The following LRRC4 variants were observed in gnomAD, a reference collection of about 807,000 sequenced individuals.
The protein encoded by LRRC4 is leucine-rich repeat-containing protein 4.
A neutral mutation model predicts 37.9 loss-of-function variants in LRRC4; 11 were observed. The observed-to-expected ratio is 0.29, with a 90% CI of 0.18 to 0.48. The LOEUF (loss-of-function observed/expected upper bound fraction) is 0.48, where lower values mean the gene tolerates loss of function less well. LRRC4 is among the 20% of genes least tolerant of loss of function. The pLI is 0.99. For synonymous variants in LRRC4, 404 were observed against 346.7 expected (o/e 1.17, Z -1.84); for missense variants, 717 against 842.1 (o/e 0.85, Z 1.84).
chr7:128,030,508 T>G lies in LRRC4; in HGVS notation c.133A>C (p.Asn45His), dbSNP rs760820214. 6.2e-7 allele frequency: 1 copy of G among 1,613,400 alleles called. No homozygotes were observed. The highest frequency in any genetic ancestry group is 2.2e-5 in the East Asian group (1 of 44,870). The stretch of plus-strand genomic sequence containing the variant: ...CTGCACGAGCAGACGGAGGGGCAGT[T>G]CTGGGGCCCGGCTGAGGCGGCAGCA... The part of the protein sequence containing the change: ...IAAAASAGPQ[N>H]CPSVCSCSNQ... Residue 45 changes from asparagine (N) to histidine (H), a missense_variant, in exon 2 of 2, where the codon AAC becomes CAC. Physicochemically the swap from Asn to His is moderately conservative, Grantham distance 68. Around this residue, in one of 5 missense-constraint regions of LRRC4, gnomAD observed 127 missense variants for 134.8 expected, o/e 0.94. Coordinates refer to ENST00000249363, the MANE Select transcript of LRRC4 (RefSeq NM_022143.5).
In LRRC4 at chr7:128,030,150, G is replaced by A; in HGVS notation, c.491C>T (p.Ser164Phe). The stretch of plus-strand genomic sequence containing the variant: ...GGAGGGCACCCGGTTGAAGGCGTAA[G>A]AGGGGATGCTTTCGATGGGGTTGTT... ...LRNNPIESIP[S>F]YAFNRVPSLM... Residue 164 changes from serine to phenylalanine, a missense_variant, in exon 2 of 2, where the codon TCT (serine) becomes TTT (phenylalanine). Ser to Phe is a radical substitution (Grantham distance 155). Transcript: ENST00000249363. The A allele has an allele frequency of 6.2e-7, 1 of 1,614,230 alleles. No homozygotes were observed. Among genetic ancestry groups the A allele is most frequent in the Non-Finnish European group, 8.5e-7 (1 of 1,180,044 alleles).
rs747276886 is a variant in LRRC4, at chr7:128,029,136, T to G, written c.1505A>C (p.Lys502Thr). 1 of 1,614,128 alleles carries G rather than the reference T, an allele frequency of 6.2e-7. No individual in the cohort carries two copies. The highest frequency in any genetic ancestry group is 1.1e-5 in the South Asian group (1 of 91,080). ...GTCTGTCGCGGGTACTGCCACCTGC[T>G]TGGGCACACGGGTAGTCTGAATGAG... ...TVLIQTTRVPKQVAVPATDTT... is the reference protein window; with the variant it reads ...TVLIQTTRVPTQVAVPATDTT... Residue 502 changes from lysine (K) to threonine (T), a missense_variant, in exon 2 of 2, where the codon AAG (lysine) becomes ACG (threonine). By Grantham distance (78) the Lys-to-Thr change is moderately conservative. Transcript: ENST00000249363. This position sits in a 1 kb window ranked among gnomAD's most constrained non-coding sequence, Gnocchi z 4.2.
rs568875730 is a variant in LRRC4 at position 128,027,169 on chromosome 7, A to G, written c.*1510T>C. 3.8e-5 allele frequency: 5 copies of G among 131,764 alleles called. No individual in the cohort carries two copies. The highest frequency in any genetic ancestry group is 6.5e-5 in the Non-Finnish European group (4 of 61,328). The allele number at this position is 131,764 out of a possible 1,614,324, so 8.2% of individuals were successfully genotyped here. ...GCAATTCCCCTCCCCCACCCATACC[A>G]CCCCCTTTCAAATCTGAACCCCTTA... On this transcript the variant is annotated 3_prime_UTR_variant, in exon 2 of 2. Coordinates refer to ENST00000249363, the MANE Select transcript of LRRC4 (RefSeq NM_022143.5).
In LRRC4 at chr7:128,028,695, T is replaced by C; in HGVS notation, c.1946A>G (p.Gln649Arg). 1 of 1,612,716 alleles carries C rather than the reference T, an allele frequency of 6.2e-7. No homozygotes were observed. Among genetic ancestry groups the C allele is most frequent in the Non-Finnish European group, 8.5e-7 (1 of 1,179,186 alleles). The change falls in exon 2 of 2, where the codon CAG becomes CGG. Residue 649 changes from glutamine (Q) to arginine (R), a missense_variant. Transcript: ENST00000249363. ...IIQTHTKDKV[Q>R]ETQI ...GGAGGGGAGTCATATTTGAGTTTCC[T>C]GTACCTTGTCCTTGGTATGGGTCTG... is the stretch of plus-strand genomic sequence containing the variant.
In LRRC4 at chr7:128,029,304, A is replaced by G. The variant is rs756197644; in HGVS notation, c.1337T>C (p.Leu446Pro). Residue 446 changes from leucine to proline, a missense_variant, in exon 2 of 2, where the codon CTT becomes CCT. By Grantham distance (98) the Leu-to-Pro change is moderately conservative. This residue lies in a region of LRRC4 where 293 missense variants were observed against 268.3 expected (regional missense o/e 1.09). Coordinates refer to ENST00000249363, the MANE Select transcript of LRRC4 (RefSeq NM_022143.5). This position sits in a 1 kb window ranked among gnomAD's most constrained non-coding sequence, Gnocchi z 4.2. The stretch of plus-strand genomic sequence containing the variant: ...GAAGAAGCTGTAGTTGGAGGTGTTA[A>G]GCTCAGCCGTGCTCACATTGAGGTA... ...SAYLNVSTAE[L>P]NTSNYSFFTT... 5 of 1,614,132 alleles carry G rather than the reference A, an allele frequency of 3.1e-6. No individual in the cohort carries two copies. The highest frequency in any genetic ancestry group is 3.4e-6 in the Non-Finnish European group (4 of 1,180,022).
chr7:128,028,804 C>T lies in LRRC4; in HGVS notation c.1837G>A (p.Ala613Thr). 6.2e-7 allele frequency: 1 copy of T among 1,614,086 alleles called. No individual in the cohort carries two copies. The highest frequency in any genetic ancestry group is 1.6e-4 in the Middle Eastern group (1 of 6,062). The change falls in exon 2 of 2, where the codon GCA becomes ACA. Residue 613 changes from alanine to threonine, a missense_variant. Physicochemically the swap from Ala to Thr is moderately conservative, Grantham distance 58. This residue lies in a region of LRRC4 where 140 missense variants were observed against 137.2 expected (regional missense o/e 1.02). Transcript: ENST00000249363. The part of the protein sequence containing the change: ...DHINYNTYKP[A>T]HGAHWTENSL... ...TTTTCTGTCCAGTGGGCCCCATGTG[C>T]TGGTTTGTAGGTGTTGTAGTTAATA...
chr7:128,028,963 C>T lies in LRRC4; in HGVS notation c.1678G>A (p.Val560Ile). ...LRKRHQQRST[V>I]TAARTVEIIQ... Reference sequence around the variant, plus strand: ...ATCTCAACAGTCCGGGCGGCTGTGACTGTACTCCGCTGCTGGTGCCGCTTA... The same window carrying T: ...ATCTCAACAGTCCGGGCGGCTGTGATTGTACTCCGCTGCTGGTGCCGCTTA... Residue 560 changes from valine to isoleucine, a missense_variant, in exon 2 of 2, where the codon GTC becomes ATC. Physicochemically the swap from Val to Ile is conservative, Grantham distance 29. This residue lies in a region of LRRC4 where 140 missense variants were observed against 137.2 expected (regional missense o/e 1.02). Coordinates refer to ENST00000249363, the MANE Select transcript of LRRC4 (RefSeq NM_022143.5). 6.2e-7 allele frequency: 1 copy of T among 1,608,608 alleles called. No individual in the cohort carries two copies. The highest frequency in any genetic ancestry group is 8.5e-7 in the Non-Finnish European group (1 of 1,176,970).
Position 128,030,525 on chromosome 7 carries a change from G to T in LRRC4, c.116C>A (p.Ala39Asp), listed in dbSNP as rs377002702. The T allele has an allele frequency of 1.9e-6, 3 of 1,613,292 alleles. No homozygotes were observed. In the African/African-American group the frequency reaches 4.0e-5, roughly 22 times the overall value. ...WILCAAIAAA[A>D]SAGPQNCPSV... ...GGGGCAGTTCTGGGGCCCGGCTGAGGCGGCAGCAGCGATGGCTGCACACAG... is the reference window on the plus strand; with the variant it reads ...GGGGCAGTTCTGGGGCCCGGCTGAGTCGGCAGCAGCGATGGCTGCACACAG... The change falls in exon 2 of 2, where the codon GCC becomes GAC. Residue 39 changes from alanine (A) to aspartate (D), a missense_variant. Transcript: ENST00000249363.
chr7:128,030,137 G>A lies in LRRC4; in HGVS notation c.504C>T (p.Asn168=). 1 of 1,614,220 alleles carries A rather than the reference G, an allele frequency of 6.2e-7. No individual in the cohort carries two copies. Among genetic ancestry groups the A allele is most frequent in the Non-Finnish European group, 8.5e-7 (1 of 1,180,052 alleles). The change falls in exon 2 of 2, where the codon AAC becomes AAT. Residue 168 remains asparagine (N), a synonymous_variant. Coordinates refer to ENST00000249363, the MANE Select transcript of LRRC4 (RefSeq NM_022143.5). ...PIESIPSYAF[N]RVPSLMRLDL... ...CCAGGCGCATGAGGGAGGGCACCCG[G>A]TTGAAGGCGTAAGAGGGGATGCTTT... is the stretch of plus-strand genomic sequence containing the variant.
rs1160614427 is a variant in LRRC4 at position 128,029,323 on chromosome 7, T to C, written c.1318A>G (p.Asn440Asp). 1 of 1,614,100 alleles carries C rather than the reference T, an allele frequency of 6.2e-7. No individual in the cohort carries two copies. Among genetic ancestry groups the C allele is most frequent in the Admixed American group, 1.7e-5 (1 of 60,028 alleles). The change falls in exon 2 of 2, where the codon AAT (asparagine) becomes GAT (aspartate). Residue 440 changes from asparagine to aspartate, a missense_variant. Coordinates refer to ENST00000249363, the MANE Select transcript of LRRC4 (RefSeq NM_022143.5). The surrounding 1 kb of genome is among the most constrained non-coding windows in gnomAD (Gnocchi z 4.2). ...GTGTTAAGCTCAGCCGTGCTCACATTGAGGTAGGCCGAGGCGTTGGAGTTG... is the reference window on the plus strand; with the variant it reads ...GTGTTAAGCTCAGCCGTGCTCACATCGAGGTAGGCCGAGGCGTTGGAGTTG... ...AGNSNASAYL[N>D]VSTAELNTSN...
Position 128,028,606 on chromosome 7 carries a change from C to T in LRRC4, c.*73G>A. 3 of 1,410,670 alleles carry T rather than the reference C, an allele frequency of 2.1e-6. No homozygotes were observed. Among genetic ancestry groups the T allele is most frequent in the Non-Finnish European group, 2.9e-6 (3 of 1,030,142 alleles). 87.4% of individuals were successfully genotyped at this position (1,410,670 alleles called of 1,614,324 possible). A position where few individuals can be genotyped will look rare whatever the true frequency, so the allele number is the denominator to read the frequency against. On this transcript the variant is annotated 3_prime_UTR_variant, in exon 2 of 2. Transcript: ENST00000249363. ...TAAGCATATACAAGAAAAAGTCTCT[C>T]CCCACTCTGTACAAAAGTTGCTGTC...
At position 128,029,115 on chromosome 7, in the gene LRRC4, G is replaced by A. The variant is rs1183012299; in HGVS notation, c.1526C>T (p.Thr509Ile). The change falls in exon 2 of 2, where the codon ACA becomes ATA. Residue 509 changes from threonine to isoleucine, a missense_variant. This residue lies in a region of LRRC4 where 293 missense variants were observed against 268.3 expected (regional missense o/e 1.09). Transcript: ENST00000249363. The surrounding 1 kb of genome is among the most constrained non-coding windows in gnomAD (Gnocchi z 4.2). ...RVPKQVAVPATDTTDKMQTSL... is the reference protein window; with the variant it reads ...RVPKQVAVPAIDTTDKMQTSL... Reference sequence around the variant, plus strand: ...GGTCTGCATCTTGTCAGTGGTGTCTGTCGCGGGTACTGCCACCTGCTTGGG... The same window carrying A: ...GGTCTGCATCTTGTCAGTGGTGTCTATCGCGGGTACTGCCACCTGCTTGGG... The A allele has an allele frequency of 6.2e-7, 1 of 1,614,170 alleles. No homozygotes were observed.
In LRRC4 at chr7:128,029,996, G is replaced by C. The variant is rs772131783; in HGVS notation, c.645C>G (p.Thr215=). Residue 215 remains threonine (T), a synonymous_variant, in exon 2 of 2, where the codon ACC becomes ACG. Coordinates refer to ENST00000249363, the MANE Select transcript of LRRC4 (RefSeq NM_022143.5). This position sits in a 1 kb window ranked among gnomAD's most constrained non-coding sequence, Gnocchi z 4.2. ...CCAGCTCCTCCAGCCCCACCAGGGG[G>C]GTGAGATTGGGCATGTCTTTAATGT... is the stretch of plus-strand genomic sequence containing the variant. The part of the protein sequence containing the change: ...MCNIKDMPNL[T]PLVGLEELEM... 6.2e-7 allele frequency: 1 copy of C among 1,613,146 alleles called. No individual in the cohort carries two copies. The highest frequency in any genetic ancestry group is 1.6e-4 in the Middle Eastern group (1 of 6,062).
Position 128,027,221 on chromosome 7 carries a change from T to C in LRRC4, c.*1458A>G, listed in dbSNP as rs1336763474. ...TTCCTTTTAAAGCTAAAATAATAACTGAAAGAAGTTACATCATTAGATGGA... is the reference window on the plus strand; with the variant it reads ...TTCCTTTTAAAGCTAAAATAATAACCGAAAGAAGTTACATCATTAGATGGA... On this transcript the variant is annotated 3_prime_UTR_variant, in exon 2 of 2. Coordinates refer to ENST00000249363, the MANE Select transcript of LRRC4 (RefSeq NM_022143.5). The C allele has an allele frequency of 6.8e-6, 1 of 147,598 alleles. No individual in the cohort carries two copies. The highest frequency in any genetic ancestry group is 6.9e-5 in the Admixed American group (1 of 14,580). The allele number at this position is 147,598 out of a possible 1,614,324, so 9.1% of individuals were successfully genotyped here.
In LRRC4 at chr7:128,028,563, G is replaced by A. The variant is rs1403887761; in HGVS notation, c.*116C>T. 1.9e-5 allele frequency: 18 copies of A among 961,846 alleles called. No homozygotes were observed. The highest frequency in any genetic ancestry group is 2.6e-5 in the Non-Finnish European group (17 of 647,558). 59.6% of individuals were successfully genotyped at this position (961,846 alleles called of 1,614,324 possible). ...TAATATAATCTGTTTTTTTTAACCA[G>A]CCCATAGACTTAATATATAAGCATA... On this transcript the variant is annotated 3_prime_UTR_variant, in exon 2 of 2. Coordinates refer to ENST00000249363, the MANE Select transcript of LRRC4 (RefSeq NM_022143.5).
rs1280872605 is a variant in LRRC4 at position 128,028,574 on chromosome 7, TAATA to T, written c.*101_*104del. 3.6e-5 allele frequency: 39 copies of T among 1,088,134 alleles called. No individual in the cohort carries two copies. Among genetic ancestry groups the T allele is most frequent in the Admixed American group, 1.2e-4 (5 of 41,898 alleles). 67.4% of individuals were successfully genotyped at this position (1,088,134 alleles called of 1,614,324 possible). ...GTTTTTTTTAACCAGCCCATAGACT[TAATA>T]TATAAGCATATACAAGAAAAAGTCT... On this transcript the variant is annotated 3_prime_UTR_variant, in exon 2 of 2. Coordinates refer to ENST00000249363, the MANE Select transcript of LRRC4 (RefSeq NM_022143.5).
Position 128,029,541 on chromosome 7 carries a change from C to G in LRRC4, c.1100G>C (p.Gly367Ala). 2 of 1,614,070 alleles carry G rather than the reference C, an allele frequency of 1.2e-6. No individual in the cohort carries two copies. The highest frequency in any genetic ancestry group is 2.7e-5 in the African/African-American group (2 of 75,024). Reference sequence around the variant, plus strand: ...CCGACACTTAAGTTCTGCCATCCGACCCTCAGAAATGTTGAGGTCTCGAGG... The same window carrying G: ...CCGACACTTAAGTTCTGCCATCCGAGCCTCAGAAATGTTGAGGTCTCGAGG... ...DAPRDLNISE[G>A]RMAELKCRTP... Residue 367 changes from glycine to alanine, a missense_variant, in exon 2 of 2, where the codon GGT becomes GCT. Coordinates refer to ENST00000249363, the MANE Select transcript of LRRC4 (RefSeq NM_022143.5). This position sits in a 1 kb window ranked among gnomAD's most constrained non-coding sequence, Gnocchi z 4.2.
rs1792556115 is a variant in LRRC4, at chr7:128,030,592, T to C, written c.49A>G (p.Ile17Val). The C allele has an allele frequency of 6.3e-7, 1 of 1,597,988 alleles. No homozygotes were observed. Among genetic ancestry groups the C allele is most frequent in the Non-Finnish European group, 8.5e-7 (1 of 1,169,604 alleles). ...VTVHHHTWNA[I>V]LLPFVYLTAQ... ...GTGAGGTAGACGAACGGGAGCAGGA[T>C]GGCATTCCAGGTGTGGTGGTGCACA... The change falls in exon 2 of 2, where the codon ATC becomes GTC. Residue 17 changes from isoleucine to valine, a missense_variant. This residue lies in a region of LRRC4 where 127 missense variants were observed against 134.8 expected (regional missense o/e 0.94). Coordinates refer to ENST00000249363, the MANE Select transcript of LRRC4 (RefSeq NM_022143.5).
rs2116987978 is a variant in LRRC4 at position 128,031,172 on chromosome 7, T to C, written c.-360A>G. 6.6e-6 allele frequency: 1 copy of C among 152,554 alleles called. No homozygotes were observed. The highest frequency in any genetic ancestry group is 3.4e-3 in the Middle Eastern group (1 of 296). The allele number at this position is 152,554 out of a possible 1,614,324, so 9.5% of individuals were successfully genotyped here. On this transcript the variant is annotated 5_prime_UTR_variant, in exon 1 of 2. Transcript: ENST00000249363. Reference sequence around the variant, plus strand: ...GGGAGAGCCAAGGCCCGGCGGGCTATGCAGGTGCATGCCCCCCCCTCCGCC... The same window carrying C: ...GGGAGAGCCAAGGCCCGGCGGGCTACGCAGGTGCATGCCCCCCCCTCCGCC...
Sources: allele counts gnomAD v4.1 joint callset, GRCh38; gene constraint gnomAD v4.1.1; regional missense constraint gnomAD v4.1.1; non-coding constraint Gnocchi (gnomAD v3.1); transcripts MANE v1.5; gene names NCBI Gene and HGNC (gene_info 2026-07-23, HGNC 2026-07-21).